The following HMGB1 variants were observed in gnomAD, a reference collection of about 807,000 sequenced individuals.
HMGB1 encodes high mobility group box 1.
For synonymous variants in HMGB1, 81 were observed against 84.0 expected, an observed-to-expected ratio of 0.96 and a Z score of 0.19; for missense variants, 79 against 253.5, an observed-to-expected ratio of 0.31 and a Z score of 4.67.
chr13:30,579,964 G>A (rs1255679184), intron 1 of HMGB1, among the ~76,000 whole-genome samples: 3 of 152,098 alleles, frequency 2.0e-5, no homozygotes, highest in East Asian at 3.8e-4. Flanking sequence ...TAATGAAGTC[G>A]CTCAATTGGG....
chr13:30,606,173 G>A (rs572287789), intron 1 of HMGB1, among the ~76,000 whole-genome samples: 2 of 152,292 alleles, frequency 1.3e-5, no homozygotes, highest in South Asian at 4.1e-4. Flanking sequence ...TCATGCCATT[G>A]AACTTGTTTT....
intron 1 of HMGB1, among the ~76,000 whole-genome samples, chr13:30,595,507 T>C (rs1207155559): frequency 1.3e-5 from 2 of 152,144 alleles, no homozygotes; most frequent in Non-Finnish European, 2.9e-5. Flanking sequence ...TCAACAAAGG[T>C]TGTATTTTTA....
chr13:30,464,494 C>T (rs1456524990), intron 1 of HMGB1: 1 of 984,822 alleles, frequency 1.0e-6, no homozygotes, highest in Non-Finnish European at 1.2e-6. Flanking sequence ...TAGAACTTCG[C>T]CGGTGGCCGC....
chr13:30,548,099 T>G (rs942420113), intron 1 of HMGB1, among the ~76,000 whole-genome samples: 7 of 152,208 alleles, frequency 4.6e-5, no homozygotes, highest in African/African-American at 1.7e-4. Flanking sequence ...TGATAGAGTT[T>G]GGCTGTGTCC....
chr13:30,511,741 C>T (rs754791196), intron 1 of HMGB1, among the ~76,000 whole-genome samples: 6 of 152,126 alleles, frequency 3.9e-5, no homozygotes, highest in South Asian at 2.1e-4. Context: ...CCTGGGCTCT[C>T]GGCCTTTGGT....
chr13:30,586,806 T>G (rs962906348), intron 1 of HMGB1, among the ~76,000 whole-genome samples: 2 of 152,168 alleles, frequency 1.3e-5, no homozygotes, highest in African/African-American at 2.4e-5. Flanking sequence ...CTACTTGACA[T>G]ATCCACTTGG....
chr13:30,569,335 A>G (rs1870327759), intron 1 of HMGB1, among the ~76,000 whole-genome samples: 1 of 152,228 alleles, frequency 6.6e-6, no homozygotes, highest in Admixed American at 6.5e-5. Flanking sequence ...TTCTCATTCC[A>G]TAACTAGAGA....
chr13:30,576,996 G>A (rs767678701), intron 1 of HMGB1, among the ~76,000 whole-genome samples: 1 of 152,112 alleles, frequency 6.6e-6, no homozygotes, highest in Non-Finnish European at 1.5e-5. Context: ...AGTAATTAAG[G>A]TTCAGTGAGG....
chr13:30,543,564 A>G (rs1463713590), intron 1 of HMGB1: 1 of 152,282 alleles, frequency 6.6e-6, no homozygotes, highest in East Asian at 1.9e-4. Flanking sequence ...AATCAGGCCC[A>G]TCCAGGAGAG....
chr13:30,474,969 T>G (rs1178700146), intron 1 of HMGB1, among the ~76,000 whole-genome samples: 10 of 132,614 alleles, frequency 7.5e-5, no homozygotes, highest in Middle Eastern at 7.3e-3. Context: ...GTTTTTTTTT[T>G]TTTTTTTTTT....
intron 1 of HMGB1, among the ~76,000 whole-genome samples, chr13:30,546,238 C>A (rs563137437): frequency 6.6e-6 from 1 of 152,274 alleles, no homozygotes; most frequent in East Asian, 1.9e-4. Context: ...GCCTCAGCCT[C>A]CCGAGTAGCT....
intron 1 of HMGB1, among the ~76,000 whole-genome samples, chr13:30,588,071 A>G (rs1871227428): frequency 1.3e-5 from 2 of 152,246 alleles, no homozygotes; most frequent in South Asian, 4.1e-4. Flanking sequence ...TCTATTTATC[A>G]TATTATTTAA....
At chr13:30,502,898 A>T (rs2137454219) in intron 1 of HMGB1, among the ~76,000 whole-genome samples, 1 of 151,520 alleles carries the variant, frequency 6.6e-6, no homozygotes, top group South Asian at 2.1e-4. Context: ...CTGGTCTCAA[A>T]CTCCTGGTGT....
At chr13:30,516,548 T>A (rs1888106035) in intron 1 of HMGB1, among the ~76,000 whole-genome samples, 1 of 152,248 alleles carries the variant, frequency 6.6e-6, no homozygotes, top group Admixed American at 6.5e-5. Context: ...TAATACTTTA[T>A]AATTTAATGC....
At chr13:30,475,045 C>CTTT (rs749159763) in intron 1 of HMGB1, among the ~76,000 whole-genome samples, 2 of 55,112 alleles carry the variant, frequency 3.6e-5, no homozygotes, top group Non-Finnish European at 6.0e-5. Flanking sequence ...CTCTCTCTCT[C>CTTT]TTTTTTTTTT....
At chr13:30,509,538 G>A (rs746606777) in intron 1 of HMGB1, among the ~76,000 whole-genome samples, 12 of 151,852 alleles carry the variant, frequency 7.9e-5, no homozygotes, top group African/African-American at 2.2e-4. Context: ...ACGCCTGGCC[G>A]TGCCCCAATA....
chr13:30,513,030 G>A (rs575878566), intron 1 of HMGB1, among the ~76,000 whole-genome samples: 1 of 152,284 alleles, frequency 6.6e-6, no homozygotes, highest in South Asian at 2.1e-4. Context: ...AGGCGTGATG[G>A]TGGACACCTG....
At chr13:30,543,076 T>C (rs564104559) in intron 1 of HMGB1, 2 of 151,048 alleles carry the variant, frequency 1.3e-5, no homozygotes, top group Admixed American at 6.6e-5. Flanking sequence ...TTGGCACAGA[T>C]GGGAAGTCCA....
intron 4 of HMGB1, 52 bp downstream of exon 4, chr13:30,462,486 A>G: frequency 7.1e-7 from 1 of 1,402,848 alleles, no homozygotes. Flanking sequence ...AAGTACAATC[A>G]TACATCTGGC....
Sources: gnomAD v4.1 joint callset for allele counts (sites outside exome capture counted in the v4.1 genomes callset) on GRCh38, gnomAD v4.1.1 for gene constraint, MANE v1.5 for transcripts, NCBI Gene and HGNC (gene_info 2026-07-23, HGNC 2026-07-21) for gene names.